CEP63: variants seen among roughly 807,000 people sequenced by gnomAD.
The protein encoded by CEP63 is centrosomal protein of 63 kDa.
In CEP63, 84 loss-of-function variants were observed where a neutral mutation model predicts 89.1. That is an observed-to-expected ratio of 0.94 (90% CI 0.79 to 1.13). CEP63 has a LOEUF of 1.13. CEP63 is among the 50% of genes most tolerant of loss of function. CEP63 has a pLI of 0.00. For synonymous variants in CEP63, 267 were observed against 272.5 expected (o/e 0.98, Z 0.20); for missense variants, 838 against 813.3 (o/e 1.03, Z -0.37).
At chr3:134,720,920 A>ACT in the CEP63 span, among the ~76,000 whole-genome samples, 2 of 152,232 alleles carry the variant, frequency 1.3e-5, no homozygotes, top group East Asian at 1.9e-4. Flanking sequence ...GAGTCTTCCA[A>ACT]CTTTGTTTTC....
the CEP63 span, among the ~76,000 whole-genome samples, chr3:134,648,092 G>C: frequency 1.3e-5 from 2 of 152,270 alleles, no homozygotes; most frequent in African/African-American, 4.8e-5. Context: ...GCGGCTGCAA[G>C]TGGTAGCCGC....
chr3:134,557,423 A>T (rs1956453414), intron 12 of CEP63, among the ~76,000 whole-genome samples: 2 of 140,970 alleles, frequency 1.4e-5, no homozygotes, highest in Non-Finnish European at 3.0e-5. Context: ...GACCAAGCTA[A>T]CCATGGTATT....
chr3:134,520,293 A>T (rs143683596), intron 3 of CEP63, among the ~76,000 whole-genome samples: 3 of 152,326 alleles, frequency 2.0e-5, no homozygotes, highest in African/African-American at 4.8e-5. Context: ...AAGCAATTAA[A>T]AATGAAGTTA....
chr3:134,505,339 G>T (rs1482264352), intron 2 of CEP63, among the ~76,000 whole-genome samples: 1 of 151,988 alleles, frequency 6.6e-6, no homozygotes, highest in Admixed American at 6.6e-5. Context: ...TTCTCAGTGG[G>T]TGCAAGAGTG....
At chr3:134,603,557 G>C in the CEP63 span, 1 of 1,549,504 alleles carries the variant, frequency 6.5e-7, no homozygotes, top group South Asian at 1.2e-5. Context: ...CCCTTTGGGA[G>C]GGTAAGACCG....
chr3:134,535,984 T>C (rs1950699800), intron 5 of CEP63: 1 of 152,258 alleles, frequency 6.6e-6, no homozygotes. Flanking sequence ...TTTCATTCAC[T>C]TTATTCCAGC....
the CEP63 span, among the ~76,000 whole-genome samples, chr3:134,745,719 T>C: frequency 6.6e-6 from 1 of 151,880 alleles, no homozygotes; most frequent in Admixed American, 6.6e-5. Flanking sequence ...GTGTGTTATG[T>C]TCCCCGCCCT....
chr3:134,717,846 G>A, the CEP63 span, among the ~76,000 whole-genome samples: 2 of 152,158 alleles, frequency 1.3e-5, no homozygotes, highest in Non-Finnish European at 2.9e-5. Context: ...ACCTTGCTGG[G>A]CAGAACTGAT....
intron 11 of CEP63, among the ~76,000 whole-genome samples, chr3:134,573,940 G>T (rs1958122202): frequency 6.6e-6 from 1 of 152,172 alleles, no homozygotes; most frequent in Non-Finnish European, 1.5e-5. Flanking sequence ...AGCATTTAGG[G>T]CAAGCCTGGG....
intron 3 of CEP63, among the ~76,000 whole-genome samples, chr3:134,517,893 G>T (rs1946588227): frequency 6.6e-6 from 1 of 152,072 alleles, no homozygotes; most frequent in Admixed American, 6.6e-5. Context: ...TCAAGAGGTT[G>T]GGAAAAGAAC....
chr3:134,632,985 T>A, the CEP63 span, among the ~76,000 whole-genome samples: 3 of 152,010 alleles, frequency 2.0e-5, no homozygotes, highest in Non-Finnish European at 4.4e-5. Flanking sequence ...CTACAAAACT[T>A]CTGTGCACAT....
chr3:134,620,816 C>G, the CEP63 span: 1 of 1,613,412 alleles, frequency 6.2e-7, no homozygotes, highest in Non-Finnish European at 8.5e-7. Context: ...CCTCCTGGAG[C>G]AGGTCACTCA....
At chr3:134,758,432 C>T in the CEP63 span, among the ~76,000 whole-genome samples, 3 of 152,014 alleles carry the variant, frequency 2.0e-5, no homozygotes, top group Non-Finnish European at 4.4e-5. Flanking sequence ...AACAAAAGCC[C>T]GAAAACTGGA....
chr3:134,617,242 C>T, the CEP63 span, among the ~76,000 whole-genome samples: 1 of 152,142 alleles, frequency 6.6e-6, no homozygotes, highest in Non-Finnish European at 1.5e-5. Flanking sequence ...TTTGTAAAAT[C>T]AGAGGAAAAT....
the CEP63 span, chr3:134,601,113 A>G: frequency 6.6e-6 from 1 of 152,340 alleles, no homozygotes; most frequent in East Asian, 1.9e-4. Flanking sequence ...TGCAACTCCG[A>G]ATGTCTACCC....
At chr3:134,733,869 G>A in the CEP63 span, among the ~76,000 whole-genome samples, 1 of 150,812 alleles carries the variant, frequency 6.6e-6, no homozygotes, top group Non-Finnish European at 1.5e-5. Flanking sequence ...GGAAACGCAT[G>A]TAGATGGATA....
chr3:134,713,789 G>T, the CEP63 span, among the ~76,000 whole-genome samples: 1 of 152,202 alleles, frequency 6.6e-6, no homozygotes, highest in Admixed American at 6.5e-5. Context: ...GGTGAACTTG[G>T]TGAGCTACTT....
At chr3:134,711,926 C>A in the CEP63 span, among the ~76,000 whole-genome samples, 1 of 151,972 alleles carries the variant, frequency 6.6e-6, no homozygotes, top group Non-Finnish European at 1.5e-5. Context: ...CCATGCCCGG[C>A]TAATTTTTAT....
the CEP63 span, among the ~76,000 whole-genome samples, chr3:134,691,733 G>C: frequency 6.6e-6 from 1 of 151,962 alleles, no homozygotes; most frequent in African/African-American, 2.4e-5. Context: ...AAAGAGAATG[G>C]CATTCTTTTT....
Sources: gnomAD v4.1 joint callset for allele counts (sites outside exome capture counted in the v4.1 genomes callset) on GRCh38, gnomAD v4.1.1 for gene constraint, MANE v1.5 for transcripts, NCBI Gene and HGNC (gene_info 2026-07-23, HGNC 2026-07-21) for gene names.